CDK12: variants seen among roughly 807,000 people sequenced by gnomAD.
The protein encoded by CDK12 is cyclin-dependent kinase 12.
A neutral mutation model predicts 133.8 loss-of-function variants in CDK12; 17 were observed. The ratio of observed to expected loss-of-function variants is 0.13; its 90% confidence interval spans 0.09 to 0.19. The LOEUF (loss-of-function observed/expected upper bound fraction) is 0.19, where lower values mean the gene tolerates loss of function less well. Ranked by LOEUF, CDK12 falls within the 10% of genes least tolerant of loss-of-function variation. CDK12 has a pLI of 1.00. For missense variants in CDK12, 1,508 were observed against 1,818.7 expected (o/e 0.83, Z 3.11); for synonymous variants, 694 against 683.6 (o/e 1.02, Z -0.24).
chr17:39,497,858 G>T lies in CDK12; in HGVS notation c.2419+3164G>T, dbSNP rs2052250292. ...GGGCTCAAGCAGTCCTCTTGCCTTGGCCTCCTAAAGTGCTGGGATTACGAA... is the reference window on the plus strand; with the variant it reads ...GGGCTCAAGCAGTCCTCTTGCCTTGTCCTCCTAAAGTGCTGGGATTACGAA... On this transcript the variant is annotated intron_variant, in intron 5 of 13. Coordinates refer to ENST00000447079, the MANE Select transcript of CDK12 (RefSeq NM_016507.4). 2.0e-5 allele frequency among the ~76,000 whole-genome samples: 3 copies of T among 152,006 alleles called. No individual in the cohort carries two copies. In the South Asian group the frequency reaches 6.2e-4, roughly 31 times the overall value.
At chr17:39,491,897 G>T (rs12942360) in intron 3 of CDK12, among the ~76,000 whole-genome samples, 93,765 of 149,444 alleles carry the variant, frequency 0.63, 32,043 homozygotes, top group South Asian at 0.89. Flanking sequence ...GGGAGGCCAA[G>T]GCGGGTGGAT....
At chr17:39,567,492 A>G (rs1447188516), downstream of CDK12, 1 of 152,240 alleles carries the variant, frequency 6.6e-6, no homozygotes, top group Non-Finnish European at 1.5e-5. Flanking sequence ...CCCAGAAACA[A>G]TGCCTAGCAT....
intron 2 of CDK12, among the ~76,000 whole-genome samples, chr17:39,485,169 CAAAAAAA>C (rs564188686): frequency 2.7e-5 from 2 of 75,064 alleles, no homozygotes; most frequent in Non-Finnish European, 5.3e-5. Flanking sequence ...GACTCTGTCT[CAAAAAAA>C]AAAAAAAAAA....
chr17:39,495,794 C>CAAAA (rs372235295), intron 5 of CDK12, among the ~76,000 whole-genome samples: 1 of 74,602 alleles, frequency 1.3e-5, no homozygotes, highest in African/African-American at 5.1e-5. Flanking sequence ...GACTCCGCCT[C>CAAAA]AAAAAAAAAA....
chr17:39,496,535 A>G (rs2052127010), intron 5 of CDK12, among the ~76,000 whole-genome samples: 1 of 152,082 alleles, frequency 6.6e-6, no homozygotes, highest in Non-Finnish European at 1.5e-5. Flanking sequence ...CCCTATCTCT[A>G]CTAAAAATAC....
rs867752359 is a variant in CDK12, at chr17:39,519,602, T to A, written c.2964-354T>A. On this transcript the variant is annotated intron_variant, in intron 10 of 13. Transcript: ENST00000447079. ...TGCACATCCTTTTTTTTTTTTTTTT[T>A]AAAAAGAGATGGGCTCTTGCTCTGT... Among the ~76,000 whole-genome samples, 237 of 149,608 alleles carry A rather than the reference T, an allele frequency of 1.6e-3. No homozygotes were observed. The Middle Eastern group carries it at 0.017, about 11-fold the overall frequency.
intron 4 of CDK12, 95 bp downstream of exon 4, chr17:39,492,985 TTTTGTTTGTTTG>T (rs201614723): frequency 1.4e-5 from 15 of 1,102,750 alleles, no homozygotes; most frequent in East Asian, 2.6e-5. Context: ...TTCTGAGGTG[TTTTGTTTGTTTG>T]TTTGTTTGTT....
In CDK12 at chr17:39,501,241, T is replaced by G. The variant is rs2146136990; in HGVS notation, c.2420-9T>G. ...TTCTTGCTTTTAATTTTTTTTCGTCTTTATGTAGGTGCCTTTTACCTTGTA... is the reference window on the plus strand; with the variant it reads ...TTCTTGCTTTTAATTTTTTTTCGTCGTTATGTAGGTGCCTTTTACCTTGTA... On this transcript the variant is annotated splice_polypyrimidine_tract_variant and intron_variant, in intron 5 of 13. Coordinates refer to ENST00000447079, the MANE Select transcript of CDK12 (RefSeq NM_016507.4). 6.6e-7 allele frequency: 1 copy of G among 1,515,262 alleles called. No individual in the cohort carries two copies. Among genetic ancestry groups the G allele is most frequent in the East Asian group, 2.4e-5 (1 of 41,346 alleles). 93.9% of individuals were successfully genotyped at this position (1,515,262 alleles called of 1,614,324 possible). A position where few individuals can be genotyped will look rare whatever the true frequency, so the allele number is the denominator to read the frequency against.
chr17:39,544,873 G>A (rs552400086), upstream of CDK12, among the ~76,000 whole-genome samples: 135 of 151,926 alleles, frequency 8.9e-4, no homozygotes, highest in Middle Eastern at 6.8e-3. Flanking sequence ...CAGGTAATCC[G>A]CCCGCCTCAG....
At chr17:39,559,054 T>C (rs2056271143) in intron 3 of CDK12, among the ~76,000 whole-genome samples, 1 of 152,194 alleles carries the variant, frequency 6.6e-6, no homozygotes, top group Non-Finnish European at 1.5e-5. Context: ...AATGAGAATA[T>C]AATATTTATT....
chr17:39,484,262 T>C (rs2050949251), intron 2 of CDK12, among the ~76,000 whole-genome samples: 1 of 152,180 alleles, frequency 6.6e-6, no homozygotes, highest in African/African-American at 2.4e-5. Flanking sequence ...TAGAGCTTGG[T>C]AGGTTTTTAA....
rs1555553398 is a variant in CDK12 at position 39,476,711 on chromosome 17, C to CATCTTTTTTTTT, written c.1931+4948_1931+4949insATCTTTTTTTTT. 2.4e-5 allele frequency among the ~76,000 whole-genome samples: 2 copies of CATCTTTTTTTTT among 84,516 alleles called. 1 individual carries two copies. The highest frequency in any genetic ancestry group is 4.2e-5 in the Non-Finnish European group (2 of 48,028). 55.4% of individuals were successfully genotyped at this position (84,516 alleles called of 152,430 possible). ...TACAGGCATGAGCCACCATGCCTGCCTTTTTTTTTTTTTTTTTTTTTTTTT... is the reference window on the plus strand; with the variant it reads ...TACAGGCATGAGCCACCATGCCTGCCATCTTTTTTTTTTTTTTTTTTTTTTTTTTTTTTTTTT... On this transcript the variant is annotated intron_variant, in intron 2 of 13. Coordinates refer to ENST00000447079, the MANE Select transcript of CDK12 (RefSeq NM_016507.4).
At chr17:39,509,658 G>T (rs1486203891) in intron 6 of CDK12, 47 bp from the exon 7 acceptor site, 1 of 1,342,028 alleles carries the variant, frequency 7.5e-7, no homozygotes, top group Non-Finnish European at 1.1e-6. Flanking sequence ...GTGTATTTTG[G>T]AGGCCACTGC....
rs555840557 is a variant in CDK12 at position 39,540,759 on chromosome 17, G to A, written c.451-3490G>A. ...GGCTGGGACTGGGGCGGGGGTCGGCGGGGGACTCTTTAGTGCGGCAGGCGG... is the reference window on the plus strand; with the variant it reads ...GGCTGGGACTGGGGCGGGGGTCGGCAGGGGACTCTTTAGTGCGGCAGGCGG... On this transcript the variant is annotated intron_variant and NMD_transcript_variant, in intron 1 of 4. Transcript: ENST00000559663. Among the ~76,000 whole-genome samples, 20 of 152,238 alleles carry A rather than the reference G, an allele frequency of 1.3e-4. 1 individual carries two copies. Among genetic ancestry groups the A allele is most frequent in the Admixed American group, 9.8e-4 (15 of 15,292 alleles).
In CDK12 at chr17:39,462,423, C is replaced by A. The variant is rs1021200845; in HGVS notation, c.352C>A (p.Arg118Ser). The change falls in exon 1 of 14, where the codon CGT (arginine) becomes AGT (serine). Residue 118 changes from arginine (R) to serine (S), a missense_variant. By Grantham distance (110) the Arg-to-Ser change is moderately radical. This residue lies in a region of CDK12 where 460 missense variants were observed against 490.8 expected (regional missense o/e 0.94). Coordinates refer to ENST00000447079, the MANE Select transcript of CDK12 (RefSeq NM_016507.4). ...CAAACATCGTCACCACCAGCACAGG[C>A]GTTCCCGGGACTTACTAAAAGCTAA... ...LHKHRHHQHR[R>S]SRDLLKAKQT... The A allele has an allele frequency of 6.2e-7, 1 of 1,614,100 alleles. No homozygotes were observed. Among genetic ancestry groups the A allele is most frequent in the Non-Finnish European group, 8.5e-7 (1 of 1,180,030 alleles).
At chr17:39,528,961 G>A (rs1178916662) in intron 13 of CDK12, among the ~76,000 whole-genome samples, 1 of 152,156 alleles carries the variant, frequency 6.6e-6, no homozygotes, top group Non-Finnish European at 1.5e-5. Flanking sequence ...TTGTAGTCCA[G>A]TTTGCCCTCC....
intron 2 of CDK12, among the ~76,000 whole-genome samples, chr17:39,488,874 G>T (rs2051344247): frequency 1.3e-5 from 2 of 151,820 alleles, no homozygotes; most frequent in Non-Finnish European, 2.9e-5. Flanking sequence ...CCCCAGGACT[G>T]CCGGTTGCCA....
At position 39,476,716 on chromosome 17, in the gene CDK12, T is replaced by TTTTTTTTTTC. The variant is rs1555553412; in HGVS notation, c.1931+4962_1931+4963insCTTTTTTTTT. Among the ~76,000 whole-genome samples, 511 of 100,786 alleles carry TTTTTTTTTTC rather than the reference T, an allele frequency of 5.1e-3. 24 individuals carry two copies. Among genetic ancestry groups the TTTTTTTTTTC allele is most frequent in the African/African-American group, 0.02 (479 of 24,556 alleles). 66.1% of individuals were successfully genotyped at this position (100,786 alleles called of 152,430 possible). A position where few individuals can be genotyped will look rare whatever the true frequency, so the allele number is the denominator to read the frequency against. On this transcript the variant is annotated intron_variant, in intron 2 of 13. Transcript: ENST00000447079. ...GCATGAGCCACCATGCCTGCCTTTTTTTTTTTTTTTTTTTTTTTTTTTTTG... is the reference window on the plus strand; with the variant it reads ...GCATGAGCCACCATGCCTGCCTTTTTTTTTTTTTTCTTTTTTTTTTTTTTTTTTTTTTTTG...
intron 2 of CDK12, among the ~76,000 whole-genome samples, chr17:39,475,462 C>G (rs1273464696): frequency 6.6e-6 from 1 of 151,932 alleles, no homozygotes; most frequent in Non-Finnish European, 1.5e-5. Flanking sequence ...GAAAGAGACC[C>G]TGTCTTTAAA....
Sources: gnomAD v4.1 joint callset for allele counts (sites outside exome capture counted in the v4.1 genomes callset) on GRCh38, gnomAD v4.1.1 for gene constraint, gnomAD v4.1.1 regional missense constraint, MANE v1.5 for transcripts, NCBI Gene and HGNC (gene_info 2026-07-23, HGNC 2026-07-21) for gene names.